Variants in COL8A1 observed in about 807,000 individuals in gnomAD.
COL8A1 encodes collagen alpha-1(VIII) chain.
COL8A1 carries 21 observed loss-of-function variants against 42.7 expected under a neutral mutation model. The observed-to-expected ratio is 0.49, with a 90% CI of 0.35 to 0.71. COL8A1 has a LOEUF of 0.71. Ranked by LOEUF, COL8A1 falls within the 30% of genes least tolerant of loss-of-function variation. The probability of loss-of-function intolerance (pLI) is 0.01; values close to 1 mark genes in which losing one functional copy is unlikely to be tolerated. For missense variants in COL8A1, 788 were observed against 962.4 expected, an observed-to-expected ratio of 0.82 and a Z score of 2.40; for synonymous variants, 367 against 369.1, an observed-to-expected ratio of 0.99 and a Z score of 0.06.
At chr3:99,774,702 A>G (rs1478556041) in intron 2 of COL8A1, among the ~76,000 whole-genome samples, 3 of 152,196 alleles carry the variant, frequency 2.0e-5, no homozygotes, top group African/African-American at 7.2e-5. Flanking sequence ...AGAGGGAAGG[A>G]GTCTGAGCAG....
At chr3:99,764,164 A>C (rs1331312086) in intron 2 of COL8A1, among the ~76,000 whole-genome samples, 1 of 152,214 alleles carries the variant, frequency 6.6e-6, no homozygotes, top group Non-Finnish European at 1.5e-5. Flanking sequence ...TGAACTTTTT[A>C]TATAGAAGCT....
intron 3 of COL8A1, among the ~76,000 whole-genome samples, chr3:99,792,634 G>C (rs1212990088): frequency 1.3e-5 from 2 of 152,188 alleles, no homozygotes; most frequent in African/African-American, 4.8e-5. Flanking sequence ...AAGCAGAGAT[G>C]CTGACAGCTT....
chr3:99,706,873 G>A (rs575498476), intron 1 of COL8A1, among the ~76,000 whole-genome samples: 70 of 152,272 alleles, frequency 4.6e-4, no homozygotes, highest in African/African-American at 1.5e-3. Context: ...AGAGCACCCG[G>A]GAAGAGAGCT....
chr3:99,773,837 A>ATATATATATATATATTTTTTT (rs1200212756), intron 2 of COL8A1, among the ~76,000 whole-genome samples: 1 of 45,400 alleles, frequency 2.2e-5, no homozygotes, highest in African/African-American at 1.3e-4. Context: ...ATATATATAT[A>ATATATATATATATATTTTTTT]TTTTTTTTTT....
chr3:99,679,448 A>G (rs2107321268), intron 1 of COL8A1: 1 of 152,262 alleles, frequency 6.6e-6, no homozygotes, highest in South Asian at 2.1e-4. Flanking sequence ...TAAGTTGTGG[A>G]AAGTCTCCCT....
In COL8A1 at chr3:99,700,323, C is replaced by T. The variant is rs547994206; in HGVS notation, c.-128-44574C>T. On this transcript the variant is annotated intron_variant, in intron 1 of 3. Transcript: ENST00000652472. ...TAGAAGAAAAAAAAAAAAGAACTCG[C>T]GTGAAATGGTGTGCTCCGGGTTTCA... is the stretch of plus-strand genomic sequence containing the variant. 5.3e-5 allele frequency among the ~76,000 whole-genome samples: 8 copies of T among 151,838 alleles called. No individual in the cohort carries two copies. In the South Asian group the frequency reaches 1.0e-3, roughly 20 times the overall value.
intron 2 of COL8A1, among the ~76,000 whole-genome samples, chr3:99,787,965 T>C (rs984281140): frequency 6.6e-6 from 1 of 152,124 alleles, no homozygotes; most frequent in Non-Finnish European, 1.5e-5. Context: ...GTGTCCCACA[T>C]TCTCAGAAAG....
chr3:99,739,305 AT>A (rs1383163301), intron 1 of COL8A1, among the ~76,000 whole-genome samples: 1 of 152,138 alleles, frequency 6.6e-6, no homozygotes, highest in Non-Finnish European at 1.5e-5. Context: ...CAGGTGCACA[AT>A]GCAAGCTGTC....
chr3:99,670,159 A>G (rs1028847141), intron 1 of COL8A1, among the ~76,000 whole-genome samples: 7 of 152,144 alleles, frequency 4.6e-5, no homozygotes, highest in African/African-American at 1.7e-4. Flanking sequence ...AAGACAAGGT[A>G]GCATTAAACT....
At chr3:99,670,108 A>G (rs1938495892) in intron 1 of COL8A1, among the ~76,000 whole-genome samples, 1 of 152,106 alleles carries the variant, frequency 6.6e-6, no homozygotes, top group African/African-American at 2.4e-5. Context: ...ATATATACAT[A>G]TTCTTGTATT....
intron 2 of COL8A1, among the ~76,000 whole-genome samples, chr3:99,748,444 AATG>A (rs1941075968): frequency 6.6e-6 from 1 of 152,200 alleles, no homozygotes; most frequent in South Asian, 2.1e-4. Context: ...TGCATGTTGA[AATG>A]ATATTTTTAA....
chr3:99,688,733 G>A lies in COL8A1; in HGVS notation c.-129+50069G>A, dbSNP rs573568338. On this transcript the variant is annotated intron_variant, in intron 1 of 3. Coordinates refer to ENST00000652472, the MANE Select transcript of COL8A1 (RefSeq NM_020351.4). Reference sequence around the variant, plus strand: ...ATGCATTGGCAGCATTAAAAATTTTGTTCAAATATGCCCAGTGAGCCCGTG... The same window carrying A: ...ATGCATTGGCAGCATTAAAAATTTTATTCAAATATGCCCAGTGAGCCCGTG... Among the ~76,000 whole-genome samples, 116 of 152,162 alleles carry A rather than the reference G, an allele frequency of 7.6e-4. 1 individual carries two copies. The highest frequency in any genetic ancestry group is 6.8e-3 in the Middle Eastern group (2 of 294).
chr3:99,695,493 A>C (rs1431218998), intron 1 of COL8A1, among the ~76,000 whole-genome samples: 1 of 152,178 alleles, frequency 6.6e-6, no homozygotes, highest in Admixed American at 6.5e-5. Flanking sequence ...GTTAGTGGTC[A>C]GGTTTCTCCA....
Position 99,799,100 on chromosome 3 carries a change from C to T in COL8A1, c.*2964C>T, listed in dbSNP as rs1238699667. On this transcript the variant is annotated 3_prime_UTR_variant, in exon 4 of 4. Coordinates refer to ENST00000652472, the MANE Select transcript of COL8A1 (RefSeq NM_020351.4). The stretch of plus-strand genomic sequence containing the variant: ...TTTATAGAATACAATGAACGGTGAA[C>T]AGACTGGTAACTTGTTTGAGTTCCC... 1 of 152,198 alleles carries T rather than the reference C, an allele frequency of 6.6e-6. No individual in the cohort carries two copies. Among genetic ancestry groups the T allele is most frequent in the Non-Finnish European group, 1.5e-5 (1 of 68,026 alleles). 9.4% of individuals were successfully genotyped at this position (152,198 alleles called of 1,614,324 possible). A position where few individuals can be genotyped will look rare whatever the true frequency, so the allele number is the denominator to read the frequency against.
intron 2 of COL8A1, among the ~76,000 whole-genome samples, chr3:99,758,187 C>T (rs1941297272): frequency 6.6e-6 from 1 of 152,146 alleles, no homozygotes; most frequent in Admixed American, 6.6e-5. Context: ...AATCGGCTTA[C>T]AAGTAGAATG....
intron 1 of COL8A1, among the ~76,000 whole-genome samples, chr3:99,690,282 TAAAG>T (rs1939179317): frequency 1.3e-5 from 2 of 152,222 alleles, no homozygotes; most frequent in African/African-American, 4.8e-5. Context: ...TTGTGAAACT[TAAAG>T]GAAAATATAT....
Position 99,797,226 on chromosome 3 carries a change from T to C in COL8A1, c.*1090T>C, listed in dbSNP as rs1047639178. On this transcript the variant is annotated 3_prime_UTR_variant, in exon 4 of 4. Coordinates refer to ENST00000652472, the MANE Select transcript of COL8A1 (RefSeq NM_020351.4). ...ACTGAATTTTGAGGACATTTCTCTG[T>C]TTAGCATGTATGCAAACTGATATGT... is the stretch of plus-strand genomic sequence containing the variant. 2 of 152,224 alleles carry C rather than the reference T, an allele frequency of 1.3e-5. No individual in the cohort carries two copies. The highest frequency in any genetic ancestry group is 6.5e-5 in the Admixed American group (1 of 15,282). The allele number at this position is 152,224 out of a possible 1,614,324, so 9.4% of individuals were successfully genotyped here. A position where few individuals can be genotyped will look rare whatever the true frequency, so the allele number is the denominator to read the frequency against.
chr3:99,698,206 C>T (rs553493523), intron 1 of COL8A1, among the ~76,000 whole-genome samples: 40 of 152,262 alleles, frequency 2.6e-4, no homozygotes, highest in African/African-American at 7.7e-4. Flanking sequence ...TTTCTTAATC[C>T]GGTCTATCAT....
At chr3:99,665,697 T>TTTC (rs1938345491) in intron 1 of COL8A1, among the ~76,000 whole-genome samples, 1 of 145,262 alleles carries the variant, frequency 6.9e-6, no homozygotes, top group African/African-American at 2.7e-5. Context: ...TTTTTTTTTT[T>TTTC]TGAGACACAG....
Sources: allele counts gnomAD v4.1 joint callset (sites outside exome capture counted in the v4.1 genomes callset), GRCh38; gene constraint gnomAD v4.1.1; transcripts MANE v1.5; gene names NCBI Gene and HGNC (gene_info 2026-07-23, HGNC 2026-07-21).